The following SCAPER variants were observed in gnomAD, a reference collection of about 807,000 sequenced individuals.
SCAPER encodes the protein S phase cyclin A-associated protein in the endoplasmic reticulum.
A neutral mutation model predicts 182.2 loss-of-function variants in SCAPER; 98 were observed. The observed-to-expected ratio is 0.54, with a 90% CI of 0.46 to 0.64. SCAPER has a LOEUF of 0.64. SCAPER is among the 30% of genes least tolerant of loss of function. The pLI is 0.00. For missense variants in SCAPER, 1,432 were observed against 1,690.0 expected (o/e 0.85, Z 2.68); for synonymous variants, 605 against 564.6 (o/e 1.07, Z -1.01).
chr15:76,747,052 A>G (rs1482908591), intron 15 of SCAPER, among the ~76,000 whole-genome samples: 1 of 152,216 alleles, frequency 6.6e-6, no homozygotes, highest in Non-Finnish European at 1.5e-5. Context: ...TTGGTACATC[A>G]TGTTTGGTGG....
intron 20 of SCAPER, among the ~76,000 whole-genome samples, chr15:76,671,013 G>T (rs1170034063): frequency 1.3e-5 from 2 of 152,092 alleles, no homozygotes; most frequent in Non-Finnish European, 2.9e-5. Flanking sequence ...AGTAAATTAT[G>T]GTATATTTCT....
At chr15:76,758,518 T>C (rs981643189) in intron 14 of SCAPER, among the ~76,000 whole-genome samples, 1 of 152,194 alleles carries the variant, frequency 6.6e-6, no homozygotes, top group African/African-American at 2.4e-5. Context: ...TTAGAAAGTG[T>C]TATGACTATA....
intron 23 of SCAPER, among the ~76,000 whole-genome samples, chr15:76,557,813 T>C (rs1355390505): frequency 1.3e-5 from 2 of 152,058 alleles, no homozygotes; most frequent in Non-Finnish European, 2.9e-5. Context: ...CATAGACCAA[T>C]GGAATAGAAT....
Position 76,428,895 on chromosome 15 carries a change from A to ATATAT in SCAPER, c.3311+5182_3311+5183insATATA, listed in dbSNP as rs1432164273. On this transcript the variant is annotated intron_variant, in intron 26 of 31. Transcript: ENST00000563290. ...ATATATATATATATATATATATATA[A>ATATAT]ACATCAAAATGTACTCAGTAAGTTT... Among the ~76,000 whole-genome samples the ATATAT allele has an allele frequency of 8.9e-5, 4 of 44,872 alleles. No homozygotes were observed. In the South Asian group the frequency reaches 2.6e-3, roughly 29 times the overall value. The allele number at this position is 44,872 out of a possible 152,430, so 29.4% of individuals were successfully genotyped here.
rs532811980 is a variant in SCAPER at position 76,842,670 on chromosome 15, A to T, written c.196-739T>A. On this transcript the variant is annotated intron_variant, in intron 4 of 31. Transcript: ENST00000563290. ...CAATCCCCCATGGATACTGAGGAACAACTGTATATTATAAATCAACTTAAC... is the reference window on the plus strand; with the variant it reads ...CAATCCCCCATGGATACTGAGGAACTACTGTATATTATAAATCAACTTAAC... Among the ~76,000 whole-genome samples, 29 of 152,334 alleles carry T rather than the reference A, an allele frequency of 1.9e-4. No homozygotes were observed. In the South Asian group the frequency reaches 5.4e-3, roughly 28 times the overall value.
At chr15:76,844,634 A>T (rs2069857708) in intron 4 of SCAPER, among the ~76,000 whole-genome samples, 1 of 152,182 alleles carries the variant, frequency 6.6e-6, no homozygotes, top group South Asian at 2.1e-4. Context: ...ATAAATTCCA[A>T]GACACATACC....
At chr15:76,782,535 T>C (rs1400617111) in intron 8 of SCAPER, among the ~76,000 whole-genome samples, 1 of 152,290 alleles carries the variant, frequency 6.6e-6, no homozygotes, top group East Asian at 1.9e-4. Context: ...GCCGACCTAA[T>C]AGACATCTAC....
At chr15:76,384,288 T>C (rs2043154301) in intron 27 of SCAPER, among the ~76,000 whole-genome samples, 1 of 152,216 alleles carries the variant, frequency 6.6e-6, no homozygotes, top group Admixed American at 6.5e-5. Context: ...TGACTTTCCC[T>C]TTACTCTTGT....
intron 16 of SCAPER, among the ~76,000 whole-genome samples, 159 bp downstream of exon 16, chr15:76,733,070 C>A (rs980948313): frequency 7.9e-5 from 12 of 152,162 alleles, no homozygotes; most frequent in African/African-American, 2.9e-4. Context: ...GGTAGTGGTC[C>A]CCCCAGGCCC....
At chr15:76,799,463 A>G (rs1359594575) in intron 7 of SCAPER, among the ~76,000 whole-genome samples, 2 of 148,220 alleles carry the variant, frequency 1.3e-5, no homozygotes, top group African/African-American at 5.0e-5. Flanking sequence ...GGGTTTTGCC[A>G]TTTTTGCCAG....
chr15:76,551,863 C>A (rs1192253761), intron 23 of SCAPER, among the ~76,000 whole-genome samples: 4 of 151,984 alleles, frequency 2.6e-5, no homozygotes. Context: ...ACAACTTCAG[C>A]TAGATTTGTC....
At chr15:76,391,065 T>C (rs540596326) in intron 27 of SCAPER, among the ~76,000 whole-genome samples, 1 of 152,336 alleles carries the variant, frequency 6.6e-6, no homozygotes, top group African/African-American at 2.4e-5. Context: ...CCTCATCTCC[T>C]GGCCTTTACT....
At chr15:76,833,911 G>C (rs1259301542) in intron 5 of SCAPER, among the ~76,000 whole-genome samples, 4 of 152,140 alleles carry the variant, frequency 2.6e-5, no homozygotes, top group Middle Eastern at 3.2e-3. Flanking sequence ...CATAACAATA[G>C]AAGATTTCAA....
At chr15:76,685,218 A>C (rs943265188) in intron 20 of SCAPER, among the ~76,000 whole-genome samples, 26 of 152,212 alleles carry the variant, frequency 1.7e-4, no homozygotes, top group African/African-American at 6.3e-4. Context: ...ACATCGTTTT[A>C]AGTGAGAAAA....
chr15:76,707,129 CAACTATTAAAGT>C (rs1197613481), intron 17 of SCAPER, among the ~76,000 whole-genome samples: 1 of 151,676 alleles, frequency 6.6e-6, no homozygotes, highest in Non-Finnish European at 1.5e-5. Flanking sequence ...ATCCAAAAAG[CAACTATTAAAGT>C]AACTAAAATA....
chr15:76,684,778 A>G (rs1432447220), intron 20 of SCAPER, among the ~76,000 whole-genome samples: 1 of 151,918 alleles, frequency 6.6e-6, no homozygotes, highest in Non-Finnish European at 1.5e-5. Context: ...TTGTTTAAGA[A>G]TCTTCCAACC....
intron 8 of SCAPER, among the ~76,000 whole-genome samples, chr15:76,783,199 A>T (rs976114104): frequency 2.0e-5 from 3 of 152,216 alleles, no homozygotes; most frequent in Admixed American, 2.0e-4. Flanking sequence ...GATAAAGGGG[A>T]TATCACCACA....
chr15:76,800,539 T>C (rs1045954111), intron 6 of SCAPER, among the ~76,000 whole-genome samples, 175 bp from the exon 7 acceptor site: 1 of 152,176 alleles, frequency 6.6e-6, no homozygotes, highest in Non-Finnish European at 1.5e-5. Context: ...AAAGTTACCA[T>C]ACTATCAGTG....
rs151313908 is a variant in SCAPER at position 76,775,070 on chromosome 15, T to C, written c.820A>G (p.Ile274Val). Residue 274 changes from isoleucine to valine, a missense_variant, in exon 9 of 32, where the codon ATT becomes GTT. Ile to Val is a conservative substitution (Grantham distance 29). This residue lies in a region of SCAPER where 480 missense variants were observed against 510.2 expected (regional missense o/e 0.94). Transcript: ENST00000563290. ...GWETVQRGRP[I>V]RSRSTAVMPK... ...ATCACTGCTGTTGATCGAGAACGAATAGGCCTTCCTCTCTGAACGGTCTCC... is the reference window on the plus strand; with the variant it reads ...ATCACTGCTGTTGATCGAGAACGAACAGGCCTTCCTCTCTGAACGGTCTCC... The C allele has an allele frequency of 6.8e-6, 11 of 1,613,774 alleles. No individual in the cohort carries two copies. Among genetic ancestry groups the C allele is most frequent in the Middle Eastern group, 3.3e-4 (2 of 6,058 alleles).
Sources: gnomAD v4.1 joint callset for allele counts (sites outside exome capture counted in the v4.1 genomes callset) on GRCh38, gnomAD v4.1.1 for gene constraint, gnomAD v4.1.1 regional missense constraint, MANE v1.5 for transcripts, NCBI Gene and HGNC (gene_info 2026-07-23, HGNC 2026-07-21) for gene names.